Variants in PAPPA2 observed in about 807,000 individuals in gnomAD.
The protein encoded by PAPPA2 is pappalysin 2, also known as pappalysin-2.
In PAPPA2, 86 loss-of-function variants were observed where a neutral mutation model predicts 176.4. The observed-to-expected ratio is 0.49, with a 90% CI of 0.41 to 0.58. The LOEUF (loss-of-function observed/expected upper bound fraction) is 0.58. Ranked by LOEUF, PAPPA2 falls within the 20% of genes least tolerant of loss-of-function variation. The pLI, the probability that PAPPA2 is intolerant of heterozygous loss-of-function variation, is 0.00. For synonymous variants in PAPPA2, 809 were observed against 852.2 expected (o/e 0.95, Z 0.88); for missense variants, 2,073 against 2,256.9 (o/e 0.92, Z 1.65).
At chr1:176,802,626 G>A (rs1407435829) in intron 21 of PAPPA2, among the ~76,000 whole-genome samples, 1 of 152,120 alleles carries the variant, frequency 6.6e-6, no homozygotes, top group Non-Finnish European at 1.5e-5. Context: ...ATCTAAAAGG[G>A]TTTTCTGCTT....
intron 1 of PAPPA2, among the ~76,000 whole-genome samples, chr1:176,470,286 G>C (rs1651811621): frequency 6.6e-6 from 1 of 152,100 alleles, no homozygotes; most frequent in Non-Finnish European, 1.5e-5. Flanking sequence ...TTTTCCCCTG[G>C]TGGGCATCTA....
At chr1:176,508,751 AG>A (rs1359845418) in intron 1 of PAPPA2, among the ~76,000 whole-genome samples, 1 of 151,822 alleles carries the variant, frequency 6.6e-6, no homozygotes, top group Non-Finnish European at 1.5e-5. Context: ...TTCTCATGAT[AG>A]TGAGTGAGTT....
chr1:176,597,351 C>T (rs1213206173), intron 3 of PAPPA2, among the ~76,000 whole-genome samples: 4 of 152,124 alleles, frequency 2.6e-5, no homozygotes, highest in African/African-American at 4.8e-5. Context: ...TCAAAGCACA[C>T]AAATTGTTGT....
intron 3 of PAPPA2, among the ~76,000 whole-genome samples, chr1:176,644,653 C>A (rs548146831): frequency 6.6e-6 from 1 of 151,768 alleles, no homozygotes; most frequent in Admixed American, 6.6e-5. Flanking sequence ...GTTCAAGTTT[C>A]GGCTTTCCCC....
At chr1:176,646,499 A>G (rs1193038003) in intron 3 of PAPPA2, among the ~76,000 whole-genome samples, 1 of 150,368 alleles carries the variant, frequency 6.7e-6, no homozygotes, top group African/African-American at 2.4e-5. Context: ...AACATACTAG[A>G]TCTTATTGAT....
rs1662613349 is a variant in PAPPA2, at chr1:176,740,193, A to G, written c.4148A>G (p.Gln1383Arg). ...GACGAGGGGCAGAATCATCAGGGAC[A>G]GAGGTACAAACTTCCCTTTCTTTCT... ...SEDEGQNHQG[Q>R]SCIHRPCGKQ... The change falls in exon 14 of 23, where the codon CAG (glutamine) becomes CGG (arginine). Residue 1383 changes from glutamine (Q) to arginine (R), a missense_variant. Gln to Arg is a conservative substitution (Grantham distance 43, BLOSUM62 1). This residue lies in a region of PAPPA2 where 846 missense variants were observed against 857.9 expected (regional missense o/e 0.99). Coordinates refer to ENST00000367662, the MANE Select transcript of PAPPA2 (RefSeq NM_020318.3). 6.2e-7 allele frequency: 1 copy of G among 1,613,056 alleles called. No homozygotes were observed. The highest frequency in any genetic ancestry group is 2.2e-5 in the East Asian group (1 of 44,852).
At chr1:176,800,170 A>G in intron 21 of PAPPA2, 38 bp downstream of exon 21, 1 of 1,600,366 alleles carries the variant, frequency 6.2e-7, no homozygotes, top group Non-Finnish European at 8.6e-7. Context: ...AGACTAGAGA[A>G]CTCAGGTGGA....
In PAPPA2 at chr1:176,791,173, ATTTTTTTTTT is replaced by A. The variant is rs57185368; in HGVS notation, c.4885-155_4885-146del. Among the ~76,000 whole-genome samples the A allele has an allele frequency of 5.1e-4, 41 of 80,880 alleles. No homozygotes were observed. In the South Asian group the frequency reaches 7.8e-3, roughly 15 times the overall value. The allele number at this position is 80,880 out of a possible 152,430, so 53.1% of individuals were successfully genotyped here. On this transcript the variant is annotated intron_variant, in intron 18 of 22. Coordinates refer to ENST00000367662, the MANE Select transcript of PAPPA2 (RefSeq NM_020318.3). ...TTCCTCTGCTTGGAAAAAGCAAAGA[ATTTTTTTTTT>A]TTTTTTTTTTTTTTTTTTGGCCAGT...
chr1:176,840,311 C>A, intron 22 of PAPPA2, 40 bp downstream of exon 22: 1 of 1,522,258 alleles, frequency 6.6e-7, no homozygotes, highest in Non-Finnish European at 9.1e-7. Flanking sequence ...GCAGTGGCTT[C>A]AGGAATAAAG....
chr1:176,606,963 C>A (rs930736822), intron 3 of PAPPA2, among the ~76,000 whole-genome samples: 1 of 151,910 alleles, frequency 6.6e-6, no homozygotes, highest in Non-Finnish European at 1.5e-5. Context: ...AGATGTTGGG[C>A]TAAGGGATTT....
At chr1:176,501,178 A>G (rs1647939966) in intron 1 of PAPPA2, among the ~76,000 whole-genome samples, 1 of 151,706 alleles carries the variant, frequency 6.6e-6, no homozygotes, top group Non-Finnish European at 1.5e-5. Flanking sequence ...AAAAGCACAG[A>G]AGTAGCAGCA....
At chr1:176,788,060 CAGAAAAAAAAAGAAAA>C (rs962381730) in intron 17 of PAPPA2, among the ~76,000 whole-genome samples, 46 of 148,958 alleles carry the variant, frequency 3.1e-4, no homozygotes, top group African/African-American at 1.1e-3. Context: ...AATTCCATCT[CAGAAAAAAAAAGAAAA>C]AGAAAAAAAA....
chr1:176,653,709 C>T (rs1446868818), intron 3 of PAPPA2, among the ~76,000 whole-genome samples: 1 of 151,680 alleles, frequency 6.6e-6, no homozygotes, highest in African/African-American at 2.4e-5. Flanking sequence ...ATGCCCAATA[C>T]CTTTTCTTCC....
At chr1:176,513,554 A>G (rs888452816) in intron 1 of PAPPA2, among the ~76,000 whole-genome samples, 3 of 152,192 alleles carry the variant, frequency 2.0e-5, no homozygotes, top group Non-Finnish European at 4.4e-5. Flanking sequence ...TATGAATAGA[A>G]GTTGGAAGAT....
intron 12 of PAPPA2, among the ~76,000 whole-genome samples, chr1:176,712,719 C>T (rs553554599): frequency 3.9e-5 from 6 of 152,176 alleles, no homozygotes; most frequent in Non-Finnish European, 7.3e-5. Context: ...ACTGCCAGAT[C>T]GCAAGTAGGC....
chr1:176,704,791 G>C (rs1444007374), intron 9 of PAPPA2, among the ~76,000 whole-genome samples: 1 of 151,996 alleles, frequency 6.6e-6, no homozygotes, highest in African/African-American at 2.4e-5. Context: ...CAAAGACTTA[G>C]TATACAAAAA....
At chr1:176,501,144 C>T (rs975153465) in intron 1 of PAPPA2, among the ~76,000 whole-genome samples, 8 of 150,558 alleles carry the variant, frequency 5.3e-5, no homozygotes, top group Admixed American at 5.3e-4. Context: ...TAGAAAACCA[C>T]TGGTAAGACT....
chr1:176,580,838 G>T (rs1321410088), intron 2 of PAPPA2, among the ~76,000 whole-genome samples: 1 of 151,438 alleles, frequency 6.6e-6, no homozygotes, highest in Non-Finnish European at 1.5e-5. Context: ...TTGTACTTTT[G>T]CCATTGAAAT....
intron 1 of PAPPA2, among the ~76,000 whole-genome samples, chr1:176,494,315 A>G: frequency 6.6e-6 from 1 of 152,192 alleles, no homozygotes; most frequent in East Asian, 1.9e-4. Context: ...AAATCTTGGA[A>G]TCATTCTTAA....
Sources: allele counts gnomAD v4.1 joint callset (sites outside exome capture counted in the v4.1 genomes callset), GRCh38; gene constraint gnomAD v4.1.1; regional missense constraint gnomAD v4.1.1; transcripts MANE v1.5; gene names NCBI Gene and HGNC (gene_info 2026-07-23, HGNC 2026-07-21).